Variants in TBC1D1 observed in about 807,000 individuals in gnomAD.
TBC1D1 encodes the protein TBC1 (tre-2/USP6, BUB2, cdc16) domain family, member 1.
TBC1D1 carries 89 observed loss-of-function variants against 125.6 expected under a neutral mutation model. That is an observed-to-expected ratio of 0.71 (90% CI 0.60 to 0.85). The LOEUF (loss-of-function observed/expected upper bound fraction) is 0.85, where lower values mean the gene tolerates loss of function less well. TBC1D1 is among the 40% of genes least tolerant of loss of function. The pLI is 0.00. For missense variants in TBC1D1, 1,377 were observed against 1,469.2 expected, an observed-to-expected ratio of 0.94 and a Z score of 1.03; for synonymous variants, 565 against 564.1, an observed-to-expected ratio of 1.00 and a Z score of -0.02.
chr4:38,085,697 G>T (rs1230529303), intron 12 of TBC1D1, among the ~76,000 whole-genome samples: 1 of 152,170 alleles, frequency 6.6e-6, no homozygotes, highest in African/African-American at 2.4e-5. Context: ...CGGATCCCTG[G>T]GATTGTTCTA....
chr4:38,014,688 G>T lies in TBC1D1; in HGVS notation c.597G>T (p.Lys199Asn), dbSNP rs768397169. 3 of 1,612,998 alleles carry T rather than the reference G, an allele frequency of 1.9e-6. No individual in the cohort carries two copies. The Admixed American group carries it at 5.0e-5, about 27-fold the overall frequency. The change falls in exon 3 of 20, where the codon AAG becomes AAT. Residue 199 changes from lysine to asparagine, a missense_variant. Coordinates refer to ENST00000261439, the MANE Select transcript of TBC1D1 (RefSeq NM_015173.4). This position sits in a 1 kb window ranked among gnomAD's most constrained non-coding sequence, Gnocchi z 5.1. ...CCCTGATCGACGAGTGCATCGAGAA[G>T]TTCAATCACGTCAGCGGCAGCCGGG...
chr4:37,963,825 G>A (rs549941606), intron 2 of TBC1D1, among the ~76,000 whole-genome samples: 1 of 152,020 alleles, frequency 6.6e-6, no homozygotes, highest in East Asian at 1.9e-4. Flanking sequence ...ATCCAATATC[G>A]GACTCTACTC....
At chr4:38,084,902 G>A (rs531876198) in intron 12 of TBC1D1, among the ~76,000 whole-genome samples, 37 of 152,254 alleles carry the variant, frequency 2.4e-4, no homozygotes, top group African/African-American at 8.2e-4. Flanking sequence ...ATTTAATGTC[G>A]TGTCTTTAAA....
intron 2 of TBC1D1, among the ~76,000 whole-genome samples, chr4:37,976,273 C>T (rs954646123): frequency 6.6e-6 from 1 of 152,156 alleles, no homozygotes; most frequent in Middle Eastern, 3.2e-3. Flanking sequence ...TCCTTCAGTC[C>T]CAGGCCAGTC....
chr4:38,020,750 C>T, intron 5 of TBC1D1, 55 bp downstream of exon 5: 2 of 1,493,422 alleles, frequency 1.3e-6, no homozygotes, highest in Non-Finnish European at 1.9e-6. Context: ...GGAATTTTAG[C>T]TCCACTGATT....
intron 1 of TBC1D1, among the ~76,000 whole-genome samples, 195 bp from the exon 2 acceptor site, chr4:37,901,808 T>G (rs914233295): frequency 6.6e-6 from 1 of 152,160 alleles, no homozygotes; most frequent in Non-Finnish European, 1.5e-5. Context: ...CTGTAATGAG[T>G]GTGACAGTTA....
intron 2 of TBC1D1, among the ~76,000 whole-genome samples, chr4:37,923,613 G>A (rs560237160): frequency 6.6e-6 from 1 of 151,920 alleles, no homozygotes; most frequent in African/African-American, 2.4e-5. Flanking sequence ...ATCGAGGTGA[G>A]TGGCAGTTGT....
At chr4:38,027,459 A>G (rs1745285670) in intron 6 of TBC1D1, among the ~76,000 whole-genome samples, 2 of 152,080 alleles carry the variant, frequency 1.3e-5, no homozygotes, top group Admixed American at 6.6e-5. Context: ...CTTGTCTTTT[A>G]GTAGACTAAA....
intron 2 of TBC1D1, among the ~76,000 whole-genome samples, chr4:37,906,159 C>A (rs772409050): frequency 1.3e-5 from 2 of 152,040 alleles, no homozygotes; most frequent in Non-Finnish European, 2.9e-5. Context: ...TCTTTTCCCC[C>A]CCGCTTGAGA....
chr4:37,913,042 G>A (rs187453329), intron 2 of TBC1D1, among the ~76,000 whole-genome samples: 5 of 152,286 alleles, frequency 3.3e-5, no homozygotes, highest in Non-Finnish European at 5.9e-5. Context: ...CACAGTAGTC[G>A]ATATGAAAAC....
chr4:38,137,516 T>G lies in TBC1D1; in HGVS notation c.*181T>G, dbSNP rs569183879. ...CAATTCAGGGGGCATGTCCCAGTGT[T>G]TTTTTTGTTGTTTTTAGATACTAAA... is the stretch of plus-strand genomic sequence containing the variant. On this transcript the variant is annotated 3_prime_UTR_variant, in exon 20 of 20. Coordinates refer to ENST00000261439, the MANE Select transcript of TBC1D1 (RefSeq NM_015173.4). 1.1e-6 allele frequency: 1 copy of G among 893,622 alleles called. No homozygotes were observed. The highest frequency in any genetic ancestry group is 1.7e-5 in the African/African-American group (1 of 59,712). The allele number at this position is 893,622 out of a possible 1,614,324, so 55.4% of individuals were successfully genotyped here.
intron 2 of TBC1D1, among the ~76,000 whole-genome samples, chr4:38,004,165 T>C (rs549431993): frequency 7.9e-5 from 12 of 152,344 alleles, no homozygotes; most frequent in Admixed American, 2.6e-4. Context: ...TTCAGCTGCC[T>C]AGCAGTTAGG....
At chr4:37,960,742 C>T (rs1242836088) in intron 2 of TBC1D1, 1 of 1,614,168 alleles carries the variant, frequency 6.2e-7, no homozygotes, top group South Asian at 1.1e-5. Flanking sequence ...ACAAAAAGTT[C>T]TGTTCCTGCC....
chr4:37,914,922 A>G (rs1008309894), intron 2 of TBC1D1, among the ~76,000 whole-genome samples: 1 of 152,212 alleles, frequency 6.6e-6, no homozygotes, highest in Non-Finnish European at 1.5e-5. Flanking sequence ...ACACTAAGCA[A>G]TATCACTTCA....
intron 12 of TBC1D1, among the ~76,000 whole-genome samples, chr4:38,063,145 G>A (rs1470223222): frequency 6.6e-6 from 1 of 152,196 alleles, no homozygotes; most frequent in Non-Finnish European, 1.5e-5. Flanking sequence ...GCAAGTGAAT[G>A]ACGAGTAGTT....
At position 37,995,259 on chromosome 4, in the gene TBC1D1, G is replaced by A. The variant is rs1737548604; in HGVS notation, c.418-19250G>A. On this transcript the variant is annotated intron_variant, in intron 2 of 19. Transcript: ENST00000261439. This position sits in a 1 kb window ranked among gnomAD's most constrained non-coding sequence, Gnocchi z 4.3. ...GTGTAAACAAAAATGTTAGCAGAGG[G>A]TTAGGCACTGGCTACGAATTCAGAC... Among the ~76,000 whole-genome samples the A allele has an allele frequency of 6.6e-6, 1 of 152,176 alleles. No individual in the cohort carries two copies. Among genetic ancestry groups the A allele is most frequent in the Non-Finnish European group, 1.5e-5 (1 of 68,034 alleles).
intron 6 of TBC1D1, among the ~76,000 whole-genome samples, chr4:38,022,383 G>T (rs1174689124): frequency 6.6e-6 from 1 of 152,164 alleles, no homozygotes; most frequent in Non-Finnish European, 1.5e-5. Flanking sequence ...TATTTATTTT[G>T]CACATATTGC....
Position 37,995,523 on chromosome 4 carries a change from T to C in TBC1D1, c.418-18986T>C, listed in dbSNP as rs1170935197. ...TACACAGATGGTTTCTCTTCACCTT[T>C]TGGGTTGCGGTTTTCTCCAGGTTGG... On this transcript the variant is annotated intron_variant, in intron 2 of 19. Coordinates refer to ENST00000261439, the MANE Select transcript of TBC1D1 (RefSeq NM_015173.4). This position sits in a 1 kb window ranked among gnomAD's most constrained non-coding sequence, Gnocchi z 4.3. 1 of 348,964 alleles carries C rather than the reference T, an allele frequency of 2.9e-6. No homozygotes were observed. Among genetic ancestry groups the C allele is most frequent in the Non-Finnish European group, 5.7e-6 (1 of 176,176 alleles). The allele number at this position is 348,964 out of a possible 1,614,324, so 21.6% of individuals were successfully genotyped here. A position where few individuals can be genotyped will look rare whatever the true frequency, so the allele number is the denominator to read the frequency against.
At chr4:38,092,915 T>G (rs188979223) in intron 13 of TBC1D1, among the ~76,000 whole-genome samples, 8 of 152,202 alleles carry the variant, frequency 5.3e-5, no homozygotes, top group Admixed American at 5.2e-4. Context: ...GTAGACATAC[T>G]GATTAACCTA....
Sources: gnomAD v4.1 joint callset for allele counts (sites outside exome capture counted in the v4.1 genomes callset) on GRCh38, gnomAD v4.1.1 for gene constraint, Gnocchi (gnomAD v3.1) non-coding constraint, MANE v1.5 for transcripts, NCBI Gene and HGNC (gene_info 2026-07-23, HGNC 2026-07-21) for gene names.